The following GALNT13 variants were observed in gnomAD, a reference collection of about 807,000 sequenced individuals.
The protein encoded by GALNT13 is polypeptide N-acetylgalactosaminyltransferase 13.
GALNT13 carries 28 observed loss-of-function variants against 64.2 expected under a neutral mutation model. That is an observed-to-expected ratio of 0.44 (90% confidence interval 0.32 to 0.60). The LOEUF (loss-of-function observed/expected upper bound fraction) is 0.60, where lower values mean the gene tolerates loss of function less well. Among genes scored for constraint, GALNT13 ranks in the 20% least tolerant of loss-of-function variants. The pLI is 0.05. For missense variants in GALNT13, 577 were observed against 669.8 expected (o/e 0.86, Z 1.53); for synonymous variants, 214 against 224.6 (o/e 0.95, Z 0.42).
At chr2:153,838,329 C>A in the GALNT13 span, among the ~76,000 whole-genome samples, 1 of 151,878 alleles carries the variant, frequency 6.6e-6, no homozygotes, top group Non-Finnish European at 1.5e-5. Flanking sequence ...TTGTCCAGAC[C>A]AATGTCATGT....
the GALNT13 span, among the ~76,000 whole-genome samples, chr2:153,320,250 A>G: frequency 7.9e-5 from 12 of 152,206 alleles, no homozygotes; most frequent in Non-Finnish European, 1.5e-4. Flanking sequence ...TTACCTATTA[A>G]TAAACTTACT....
chr2:153,629,385 C>G, the GALNT13 span, among the ~76,000 whole-genome samples: 1 of 151,820 alleles, frequency 6.6e-6, no homozygotes, highest in African/African-American at 2.4e-5. Flanking sequence ...CTGAGAAAAA[C>G]AAGCAGTGGG....
At chr2:154,151,091 A>G (rs897964340) in intron 4 of GALNT13, among the ~76,000 whole-genome samples, 1 of 152,196 alleles carries the variant, frequency 6.6e-6, no homozygotes, top group Non-Finnish European at 1.5e-5. Flanking sequence ...CCCTCTACAC[A>G]GTGCTTCGAA....
the GALNT13 span, among the ~76,000 whole-genome samples, chr2:153,429,551 T>C: frequency 6.6e-6 from 1 of 152,278 alleles, no homozygotes; most frequent in South Asian, 2.1e-4. Flanking sequence ...CTTAACTTAG[T>C]AGAGATAGTT....
chr2:154,444,966 T>A (rs1701491954), intron 12 of GALNT13, among the ~76,000 whole-genome samples: 1 of 152,010 alleles, frequency 6.6e-6, no homozygotes, highest in Admixed American at 6.6e-5. Flanking sequence ...TGACCTCAAT[T>A]GTATAAATAC....
At chr2:153,402,749 T>C in the GALNT13 span, among the ~76,000 whole-genome samples, 1 of 152,192 alleles carries the variant, frequency 6.6e-6, no homozygotes, top group Non-Finnish European at 1.5e-5. Context: ...ATTCTTCACG[T>C]AGTTCTCAAG....
At chr2:153,728,785 A>G in the GALNT13 span, among the ~76,000 whole-genome samples, 1 of 152,182 alleles carries the variant, frequency 6.6e-6, no homozygotes, top group African/African-American at 2.4e-5. Flanking sequence ...AAATAGACAC[A>G]ATAATAGTGA....
chr2:153,253,137 A>G, the GALNT13 span, among the ~76,000 whole-genome samples: 2 of 150,358 alleles, frequency 1.3e-5, no homozygotes, highest in Admixed American at 1.3e-4. Flanking sequence ...GTATCCTCTT[A>G]TTTCCTTGAG....
chr2:153,551,748 A>T, the GALNT13 span, among the ~76,000 whole-genome samples: 1 of 152,204 alleles, frequency 6.6e-6, no homozygotes, highest in Non-Finnish European at 1.5e-5. Context: ...TAAAGTTGTG[A>T]TGTCCATTCT....
At chr2:153,245,263 C>G in the GALNT13 span, among the ~76,000 whole-genome samples, 1 of 152,244 alleles carries the variant, frequency 6.6e-6, no homozygotes, top group Non-Finnish European at 1.5e-5. Flanking sequence ...AAGGAGGATT[C>G]TCGCAGCACA....
At chr2:153,153,219 T>A in the GALNT13 span, among the ~76,000 whole-genome samples, 2 of 152,082 alleles carry the variant, frequency 1.3e-5, no homozygotes, top group African/African-American at 4.8e-5. Flanking sequence ...AAAGTGTTCA[T>A]GTCCTTTGCC....
At chr2:153,597,648 G>A in the GALNT13 span, among the ~76,000 whole-genome samples, 2 of 151,908 alleles carry the variant, frequency 1.3e-5, no homozygotes, top group African/African-American at 2.4e-5. Context: ...TCATAATTAA[G>A]AAAAATTATG....
chr2:153,647,295 A>G, the GALNT13 span, among the ~76,000 whole-genome samples: 1 of 151,944 alleles, frequency 6.6e-6, no homozygotes, highest in Non-Finnish European at 1.5e-5. Flanking sequence ...TCCTTCACCC[A>G]CTTGTTGATG....
In GALNT13 at chr2:153,932,624, TTC is replaced by T. The variant is rs1392089469; in HGVS notation, c.-104-11768_-104-11767del. The stretch of plus-strand genomic sequence containing the variant: ...TTCTTTTTTTTCTTTTTTTCTGTCT[TTC>T]TTTTTTTTTTTTTTTTTTGAGATGG... On this transcript the variant is annotated intron_variant, in intron 2 of 12. Coordinates refer to ENST00000392825, the MANE Select transcript of GALNT13 (RefSeq NM_052917.4). 3.2e-5 allele frequency among the ~76,000 whole-genome samples: 4 copies of T among 126,100 alleles called. No homozygotes were observed. The East Asian group carries it at 1.2e-3, about 37-fold the overall frequency. 82.7% of individuals were successfully genotyped at this position (126,100 alleles called of 152,430 possible).
chr2:153,219,748 A>G, the GALNT13 span, among the ~76,000 whole-genome samples: 65 of 152,050 alleles, frequency 4.3e-4, 1 homozygote, highest in South Asian at 8.1e-3. Flanking sequence ...TAGCTGATGT[A>G]GAAAGCTCCA....
chr2:153,799,825 G>GT, the GALNT13 span, among the ~76,000 whole-genome samples: 1 of 152,072 alleles, frequency 6.6e-6, no homozygotes, highest in East Asian at 1.9e-4. Context: ...ATAGGGCCCG[G>GT]TCATTCAGCC....
chr2:153,703,643 A>G, the GALNT13 span, among the ~76,000 whole-genome samples: 1 of 152,096 alleles, frequency 6.6e-6, no homozygotes, highest in Non-Finnish European at 1.5e-5. Flanking sequence ...GGGTAGTTAG[A>G]TAGTCCTTGA....
intron 9 of GALNT13, among the ~76,000 whole-genome samples, chr2:154,345,259 A>G (rs1213751836): frequency 1.3e-5 from 2 of 152,000 alleles, no homozygotes; most frequent in Non-Finnish European, 2.9e-5. Flanking sequence ...ATCCTGAAAC[A>G]TGTAGAACAA....
chr2:153,621,402 C>T, the GALNT13 span, among the ~76,000 whole-genome samples: 1 of 152,074 alleles, frequency 6.6e-6, no homozygotes, highest in Non-Finnish European at 1.5e-5. Context: ...AGATCTGAAG[C>T]CAGAACAGCA....
Sources: allele counts gnomAD v4.1 joint callset (sites outside exome capture counted in the v4.1 genomes callset), GRCh38; gene constraint gnomAD v4.1.1; transcripts MANE v1.5; gene names NCBI Gene and HGNC (gene_info 2026-07-23, HGNC 2026-07-21).